CDH4: variants seen among roughly 807,000 people sequenced by gnomAD.
The protein encoded by CDH4 is cadherin 4, also known as cadherin-4.
A neutral mutation model predicts 86.0 loss-of-function variants in CDH4; 33 were observed. The observed-to-expected ratio is 0.38, with a 90% CI of 0.29 to 0.51. CDH4 has a LOEUF of 0.51. CDH4 is among the 20% of genes least tolerant of loss of function. The pLI, the probability that CDH4 is intolerant of heterozygous loss-of-function variation, is 0.86. For missense variants in CDH4, 1,114 were observed against 1,307.4 expected (o/e 0.85, Z 2.28); for synonymous variants, 555 against 549.4 (o/e 1.01, Z -0.14).
chr20:61,785,237 C>T (rs1425264010), intron 4 of CDH4, among the ~76,000 whole-genome samples: 2 of 152,212 alleles, frequency 1.3e-5, no homozygotes, highest in Non-Finnish European at 2.9e-5. Flanking sequence ...CATCTCCTCA[C>T]ACCACGTGGC....
chr20:61,583,677 C>T (rs1346625218), intron 2 of CDH4, among the ~76,000 whole-genome samples: 1 of 152,222 alleles, frequency 6.6e-6, no homozygotes. Flanking sequence ...ACATTGCCAT[C>T]CTTCGTTCCC....
At chr20:61,758,095 C>T (rs1416195234) in intron 3 of CDH4, among the ~76,000 whole-genome samples, 1 of 152,120 alleles carries the variant, frequency 6.6e-6, no homozygotes, top group Non-Finnish European at 1.5e-5. Context: ...GTGGCAGATG[C>T]GGTTTGGCAA....
intron 7 of CDH4, 123 bp downstream of exon 7, chr20:61,874,023 G>A (rs1196018001): frequency 4.5e-5 from 45 of 993,772 alleles, no homozygotes; most frequent in African/African-American, 1.6e-5. Context: ...CTCCCCAGTG[G>A]CACTCTCTTG....
rs778991971 is a variant in CDH4 at position 61,618,112 on chromosome 20, G to A, written c.170-125451G>A. 9.2e-5 allele frequency among the ~76,000 whole-genome samples: 14 copies of A among 152,198 alleles called. No individual in the cohort carries two copies. In the Middle Eastern group the frequency reaches 0.014, roughly 148 times the overall value. On this transcript the variant is annotated intron_variant, in intron 2 of 15. Coordinates refer to ENST00000614565, the MANE Select transcript of CDH4 (RefSeq NM_001794.5). ...TTTTCTTTATAAATTACCCAGTCTC[G>A]GGCAGGCCTTTATCAGCAGCCGTGA...
Position 61,501,319 on chromosome 20 carries a change from G to A in CDH4, c.170-242244G>A, listed in dbSNP as rs1003820825. 3.9e-5 allele frequency among the ~76,000 whole-genome samples: 6 copies of A among 152,176 alleles called. No individual in the cohort carries two copies. Among genetic ancestry groups the A allele is most frequent in the African/African-American group, 9.7e-5 (4 of 41,444 alleles). On this transcript the variant is annotated intron_variant, in intron 2 of 15. Transcript: ENST00000614565. This position sits in a 1 kb window ranked among gnomAD's most constrained non-coding sequence, Gnocchi z 4.2. ...TAATACATTATTGCCTCTGGCTTCC[G>A]TGCAGAACAGCGGTTAGAGACGGGT...
chr20:61,852,918 C>A lies in CDH4; in HGVS notation c.877+20C>A, dbSNP rs761556071. On this transcript the variant is annotated intron_variant, in intron 6 of 15. Transcript: ENST00000614565. Reference sequence around the variant, plus strand: ...AGCCAGGTGAGGCCTTTAGCGTTTGCTTGCTGGAGACCCTGTGGGCTCTGC... The same window carrying A: ...AGCCAGGTGAGGCCTTTAGCGTTTGATTGCTGGAGACCCTGTGGGCTCTGC... 6.2e-7 allele frequency: 1 copy of A among 1,612,828 alleles called. No homozygotes were observed. The highest frequency in any genetic ancestry group is 1.7e-5 in the Admixed American group (1 of 59,954).
chr20:61,594,948 C>T (rs951730888), intron 2 of CDH4, among the ~76,000 whole-genome samples: 1 of 151,336 alleles, frequency 6.6e-6, no homozygotes, highest in Non-Finnish European at 1.5e-5. Context: ...TTCATTCATT[C>T]GCTCACTGTT....
At chr20:61,847,977 A>G (rs1982535448) in intron 5 of CDH4, among the ~76,000 whole-genome samples, 1 of 152,204 alleles carries the variant, frequency 6.6e-6, no homozygotes, top group African/African-American at 2.4e-5. Flanking sequence ...TGAGATCTAG[A>G]AGGGACGGAA....
intron 2 of CDH4, among the ~76,000 whole-genome samples, chr20:61,344,946 C>T (rs925492932): frequency 1.3e-4 from 20 of 152,192 alleles, no homozygotes; most frequent in Admixed American, 3.3e-4. Context: ...CCCGCAGACT[C>T]GAGTCTAGGA....
intron 11 of CDH4, among the ~76,000 whole-genome samples, chr20:61,927,951 G>C (rs376091140): frequency 2.0e-5 from 3 of 152,214 alleles, no homozygotes; most frequent in East Asian, 3.8e-4. Context: ...GGTGCCGTAC[G>C]CAGTGGTGTG....
intron 7 of CDH4, among the ~76,000 whole-genome samples, chr20:61,888,406 T>C (rs576609054): frequency 6.6e-6 from 1 of 152,218 alleles, no homozygotes; most frequent in South Asian, 2.1e-4. Context: ...TGCTCACAGG[T>C]GAAGGAGAAC....
intron 2 of CDH4, among the ~76,000 whole-genome samples, chr20:61,360,593 G>A (rs746842098): frequency 7.2e-5 from 11 of 152,258 alleles, no homozygotes; most frequent in Admixed American, 2.0e-4. Context: ...GCAAAGTAAC[G>A]GAGACACACT....
At chr20:61,823,893 C>G (rs549574474) in intron 4 of CDH4, among the ~76,000 whole-genome samples, 28 of 152,242 alleles carry the variant, frequency 1.8e-4, no homozygotes, top group African/African-American at 6.3e-4. Context: ...TGTAGTAAAA[C>G]CATGTAGTGG....
At chr20:61,789,676 TGCCAGC>T (rs1979067618) in intron 4 of CDH4, among the ~76,000 whole-genome samples, 1 of 152,214 alleles carries the variant, frequency 6.6e-6, no homozygotes, top group African/African-American at 2.4e-5. Flanking sequence ...GCCCGGGGCA[TGCCAGC>T]GCCTCAGCCC....
At chr20:61,298,714 A>T (rs939528750) in intron 2 of CDH4, among the ~76,000 whole-genome samples, 1 of 151,586 alleles carries the variant, frequency 6.6e-6, no homozygotes, top group African/African-American at 2.4e-5. Flanking sequence ...GCCAAAAAAA[A>T]AAAAGAAAAA....
intron 4 of CDH4, among the ~76,000 whole-genome samples, chr20:61,774,238 G>A (rs1278084680): frequency 6.6e-6 from 1 of 152,194 alleles, no homozygotes; most frequent in African/African-American, 2.4e-5. Context: ...TGCCCCTTGA[G>A]GGCCAGGCAG....
chr20:61,332,187 G>A (rs2084585576), intron 2 of CDH4, among the ~76,000 whole-genome samples: 1 of 152,196 alleles, frequency 6.6e-6, no homozygotes, highest in African/African-American at 2.4e-5. Flanking sequence ...ACTCCTCCAG[G>A]AGACAGGCTT....
At chr20:61,866,823 G>C (rs1038980703) in intron 6 of CDH4, among the ~76,000 whole-genome samples, 5 of 152,190 alleles carry the variant, frequency 3.3e-5, no homozygotes, top group African/African-American at 4.8e-5. Context: ...GCAGATTCCT[G>C]AACGTAGCAA....
At chr20:61,797,548 T>C (rs1979596188) in intron 4 of CDH4, among the ~76,000 whole-genome samples, 1 of 152,156 alleles carries the variant, frequency 6.6e-6, no homozygotes, top group Non-Finnish European at 1.5e-5. Flanking sequence ...GCCAGTGCTT[T>C]GGGAGGCAGG....
Sources: allele counts gnomAD v4.1 joint callset (sites outside exome capture counted in the v4.1 genomes callset), GRCh38; gene constraint gnomAD v4.1.1; non-coding constraint Gnocchi (gnomAD v3.1); transcripts MANE v1.5; gene names NCBI Gene and HGNC (gene_info 2026-07-23, HGNC 2026-07-21).